Variants in TRHDE observed in about 807,000 individuals in gnomAD.
TRHDE encodes the protein thyrotropin-releasing hormone-degrading ectoenzyme.
Under a neutral mutation model 125.7 loss-of-function variants are expected in TRHDE, and 72 were observed. The observed-to-expected ratio is 0.57, with a 90% CI of 0.47 to 0.70. The LOEUF (loss-of-function observed/expected upper bound fraction) is 0.70, where lower values mean the gene tolerates loss of function less well. Among genes scored for constraint, TRHDE ranks in the 30% least tolerant of loss-of-function variants. The probability of loss-of-function intolerance (pLI) is 0.00; values close to 1 mark genes in which losing one functional copy is unlikely to be tolerated. For synonymous variants in TRHDE, 509 were observed against 509.1 expected (o/e 1.00, Z 0.00); for missense variants, 1,110 against 1,327.1 (o/e 0.84, Z 2.54).
intron 2 of TRHDE, among the ~76,000 whole-genome samples, chr12:72,337,919 A>G (rs941589445): frequency 2.6e-5 from 4 of 152,080 alleles, no homozygotes; most frequent in Non-Finnish European, 5.9e-5. Flanking sequence ...AGTACTAGCA[A>G]CACTTTTAGG....
chr12:72,352,513 A>G (rs754509667), intron 2 of TRHDE, among the ~76,000 whole-genome samples: 2 of 151,826 alleles, frequency 1.3e-5, no homozygotes, highest in African/African-American at 2.4e-5. Context: ...AGATGAAGAC[A>G]GTTACTTTTG....
intron 2 of TRHDE, among the ~76,000 whole-genome samples, chr12:72,148,521 C>T (rs1876280318): frequency 6.6e-6 from 1 of 152,152 alleles, no homozygotes; most frequent in Non-Finnish European, 1.5e-5. Flanking sequence ...AAGATGTAGA[C>T]AGACTATAAC....
At chr12:72,404,315 C>T (rs1401002353) in intron 3 of TRHDE, among the ~76,000 whole-genome samples, 2 of 152,032 alleles carry the variant, frequency 1.3e-5, no homozygotes, top group African/African-American at 4.8e-5. Context: ...ACCTGAAGTC[C>T]CAGCTGCTGC....
At chr12:72,326,658 A>G (rs1869355411) in intron 2 of TRHDE, among the ~76,000 whole-genome samples, 1 of 152,236 alleles carries the variant, frequency 6.6e-6, no homozygotes, top group African/African-American at 2.4e-5. Context: ...GGACCAATCC[A>G]GATTTGTAAA....
intron 1 of TRHDE, among the ~76,000 whole-genome samples, chr12:72,090,664 A>C (rs925195022): frequency 1.3e-5 from 2 of 152,184 alleles, no homozygotes; most frequent in Non-Finnish European, 2.9e-5. Flanking sequence ...ACCCAGGGAT[A>C]TAGGTAGATA....
intron 1 of TRHDE, among the ~76,000 whole-genome samples, chr12:72,098,295 C>A (rs575068450): frequency 2.0e-5 from 3 of 152,276 alleles, no homozygotes; most frequent in African/African-American, 7.2e-5. Flanking sequence ...ACAGAGAGAG[C>A]TCGTGTAGTT....
chr12:72,172,634 G>T (rs1191299132), intron 2 of TRHDE, among the ~76,000 whole-genome samples: 1 of 152,076 alleles, frequency 6.6e-6, no homozygotes, highest in African/African-American at 2.4e-5. Flanking sequence ...ATCAAAGAAG[G>T]TTTCAAGTAC....
chr12:72,659,980 A>C (rs930799379), intron 18 of TRHDE, among the ~76,000 whole-genome samples: 1 of 151,976 alleles, frequency 6.6e-6, no homozygotes, highest in Non-Finnish European at 1.5e-5. Flanking sequence ...AGATGAGGAG[A>C]CCGGTGGTGG....
At chr12:72,275,741 G>A (rs1489363092) in intron 1 of TRHDE, among the ~76,000 whole-genome samples, 1 of 152,120 alleles carries the variant, frequency 6.6e-6, no homozygotes, top group Non-Finnish European at 1.5e-5. Flanking sequence ...AAGACCAGAT[G>A]TTTCTGCTTG....
intron 2 of TRHDE, among the ~76,000 whole-genome samples, chr12:72,127,439 G>A (rs1464624707): frequency 6.6e-6 from 1 of 152,162 alleles, no homozygotes; most frequent in Admixed American, 6.5e-5. Context: ...ATCAACCTAG[G>A]TGCCCATCAA....
chr12:72,125,061 G>C (rs1346141582), intron 2 of TRHDE, among the ~76,000 whole-genome samples: 1 of 152,000 alleles, frequency 6.6e-6, no homozygotes, highest in East Asian at 1.9e-4. Flanking sequence ...AACACTGCTA[G>C]ATTCAATTTG....
chr12:72,623,499 A>G (rs1323356864), intron 15 of TRHDE, among the ~76,000 whole-genome samples: 2 of 152,094 alleles, frequency 1.3e-5, no homozygotes, highest in Admixed American at 6.6e-5. Context: ...AAAATAGTTC[A>G]TTTATTTAAG....
chr12:72,593,881 T>C (rs968182609), intron 12 of TRHDE, among the ~76,000 whole-genome samples: 2 of 152,222 alleles, frequency 1.3e-5, no homozygotes, highest in Non-Finnish European at 2.9e-5. Flanking sequence ...TTCCATGGTG[T>C]ATATGTGCCT....
intron 6 of TRHDE, among the ~76,000 whole-genome samples, chr12:72,500,849 C>CTTTTTTTTTTTTT (rs11314911): frequency 4.6e-5 from 5 of 109,318 alleles, no homozygotes; most frequent in Admixed American, 9.8e-5. Flanking sequence ...CAACTTTGTT[C>CTTTTTTTTTTTTT]TTTTTTTTTT....
rs376378307 is a variant in TRHDE, at chr12:72,634,098, C to A, written c.2675+12347C>A. The stretch of plus-strand genomic sequence containing the variant: ...ACTAGGCCCTGTGCTAAGCACTGGA[C>A]AGACATCTCATTTAATCATTGTAAC... On this transcript the variant is annotated intron_variant, in intron 15 of 18. Transcript: ENST00000261180. Among the ~76,000 whole-genome samples, 11 of 152,110 alleles carry A rather than the reference C, an allele frequency of 7.2e-5. No individual in the cohort carries two copies. In the East Asian group the frequency reaches 1.4e-3, roughly 19 times the overall value.
At chr12:72,597,818 CTT>C (rs966702761) in intron 12 of TRHDE, among the ~76,000 whole-genome samples, 1 of 140,388 alleles carries the variant, frequency 7.1e-6, no homozygotes, top group African/African-American at 2.6e-5. Context: ...AACTATGAGA[CTT>C]TTTTATAATT....
intron 2 of TRHDE, among the ~76,000 whole-genome samples, chr12:72,347,625 T>G (rs1381323858): frequency 6.6e-6 from 1 of 151,992 alleles, no homozygotes; most frequent in Non-Finnish European, 1.5e-5. Flanking sequence ...AGAATTCAGT[T>G]CCTCGTGGGT....
chr12:72,131,278 T>C (rs1301169398), intron 2 of TRHDE, among the ~76,000 whole-genome samples: 1 of 151,706 alleles, frequency 6.6e-6, no homozygotes, highest in East Asian at 1.9e-4. Flanking sequence ...TTCACCGTGT[T>C]CTCCAGGATG....
At chr12:72,225,525 C>G (rs896945952) in intron 2 of TRHDE, among the ~76,000 whole-genome samples, 5 of 152,132 alleles carry the variant, frequency 3.3e-5, no homozygotes, top group Non-Finnish European at 7.4e-5. Context: ...TAGCTTTAAG[C>G]ACAAACACTA....
Sources: gnomAD v4.1 joint callset for allele counts (sites outside exome capture counted in the v4.1 genomes callset) on GRCh38, gnomAD v4.1.1 for gene constraint, MANE v1.5 for transcripts, NCBI Gene and HGNC (gene_info 2026-07-23, HGNC 2026-07-21) for gene names.